The following NALF1 variants were observed in gnomAD, a reference collection of about 807,000 sequenced individuals.
NALF1 encodes the protein family with sequence similarity 155 member A.
NALF1 carries 3 observed loss-of-function variants against 48.4 expected under a neutral mutation model. The observed-to-expected ratio is 0.06, with a 90% CI of 0.03 to 0.16. The LOEUF is 0.16. Ranked by LOEUF, NALF1 falls within the 10% of genes least tolerant of loss-of-function variation. The pLI is 1.00. For synonymous variants in NALF1, 262 were observed against 245.7 expected, an observed-to-expected ratio of 1.07 and a Z score of -0.62; for missense variants, 526 against 571.5, an observed-to-expected ratio of 0.92 and a Z score of 0.81.
chr13:107,497,895 C>T (rs1313327962), intron 1 of NALF1, among the ~76,000 whole-genome samples: 2 of 152,060 alleles, frequency 1.3e-5, no homozygotes, highest in Non-Finnish European at 2.9e-5. Context: ...AGCAAATCTG[C>T]CATATGCATG....
Position 107,676,020 on chromosome 13 carries a change from C to T in NALF1, c.915+189662G>A, listed in dbSNP as rs115593476. ...GCTTGTGAAATTACAGGTCAACTGC[C>T]TCCCATGCCAATTCTTCTTCCTTCC... On this transcript the variant is annotated intron_variant, in intron 1 of 2. Coordinates refer to ENST00000375915, the MANE Select transcript of NALF1 (RefSeq NM_001080396.3). 2.0e-3 allele frequency among the ~76,000 whole-genome samples: 301 copies of T among 152,210 alleles called. 4 individuals carry two copies. Among genetic ancestry groups the T allele is most frequent in the African/African-American group, 7.1e-3 (294 of 41,530 alleles).
At position 107,535,979 on chromosome 13, in the gene NALF1, G is replaced by A. The variant is rs547889441; in HGVS notation, c.916-325224C>T. On this transcript the variant is annotated intron_variant, in intron 1 of 2. Transcript: ENST00000375915. The stretch of plus-strand genomic sequence containing the variant: ...CTGACAAAAACAAGAAATGGGGAAA[G>A]GATTCCTTATTTAATAAATGGTGCT... Among the ~76,000 whole-genome samples, 70 of 152,230 alleles carry A rather than the reference G, an allele frequency of 4.6e-4. 1 individual carries two copies. The highest frequency in any genetic ancestry group is 1.6e-3 in the African/African-American group (68 of 41,538).
intron 1 of NALF1, among the ~76,000 whole-genome samples, chr13:107,739,340 T>A (rs1324282208): frequency 6.7e-6 from 1 of 148,448 alleles, no homozygotes; most frequent in African/African-American, 2.5e-5. Context: ...ATATATATAT[T>A]TTTCATATTT....
At position 107,290,727 on chromosome 13, in the gene NALF1, C is replaced by T. The variant is rs868519931; in HGVS notation, c.916-79972G>A. Among the ~76,000 whole-genome samples the T allele has an allele frequency of 2.0e-4, 30 of 152,242 alleles. 1 individual carries two copies. The South Asian group carries it at 4.4e-3, about 22-fold the overall frequency. On this transcript the variant is annotated intron_variant, in intron 1 of 2. Coordinates refer to ENST00000375915, the MANE Select transcript of NALF1 (RefSeq NM_001080396.3). Reference sequence around the variant, plus strand: ...ACTAATACAGATGTATTTCTTGTATCATTATTTTATTTTGAAATAAACTTA... The same window carrying T: ...ACTAATACAGATGTATTTCTTGTATTATTATTTTATTTTGAAATAAACTTA...
At chr13:107,342,794 A>T (rs956690072) in intron 1 of NALF1, among the ~76,000 whole-genome samples, 1 of 152,190 alleles carries the variant, frequency 6.6e-6, no homozygotes, top group Non-Finnish European at 1.5e-5. Flanking sequence ...TGTCCATAGA[A>T]AACAAGAGTC....
intron 1 of NALF1, among the ~76,000 whole-genome samples, chr13:107,523,875 G>A (rs969593511): frequency 6.6e-6 from 1 of 152,036 alleles, no homozygotes; most frequent in Non-Finnish European, 1.5e-5. Context: ...TACATGCTAT[G>A]TTATAACCTC....
intron 1 of NALF1, among the ~76,000 whole-genome samples, chr13:107,805,225 A>G (rs1375246104): frequency 6.6e-6 from 1 of 152,158 alleles, no homozygotes; most frequent in Non-Finnish European, 1.5e-5. Flanking sequence ...CTGTAAGTAA[A>G]TTTCATAGGT....
chr13:107,504,467 T>C (rs77491637), intron 1 of NALF1, among the ~76,000 whole-genome samples: 1,994 of 152,262 alleles, frequency 0.013, 24 homozygotes, highest in Middle Eastern at 0.037. Context: ...GATAGATATG[T>C]TAATCTGATT....
At chr13:107,176,839 A>G (rs959352808) in intron 2 of NALF1, among the ~76,000 whole-genome samples, 1 of 152,020 alleles carries the variant, frequency 6.6e-6, no homozygotes, top group Non-Finnish European at 1.5e-5. Flanking sequence ...ACTTATTGGA[A>G]AAGAATAAGT....
chr13:107,170,755 T>C lies in NALF1; in HGVS notation c.1119A>G (p.Glu373=), dbSNP rs1878785287. The change falls in exon 3 of 3, where the codon GAA becomes GAG. Residue 373 remains glutamate, a synonymous_variant. Transcript: ENST00000375915. ...GLYETFLTND[E]PECCDVRREE... is the part of the protein sequence containing the mutation. ...CTCTCCTGACGTCACAGCATTCTGG[T>C]TCATCATTGGTTAGAAAGGTTTCAT... 6.2e-7 allele frequency: 1 copy of C among 1,614,052 alleles called. No homozygotes were observed. Among genetic ancestry groups the C allele is most frequent in the African/African-American group, 1.3e-5 (1 of 74,918 alleles).
At chr13:107,355,827 G>A (rs1217023331) in intron 1 of NALF1, among the ~76,000 whole-genome samples, 1 of 152,042 alleles carries the variant, frequency 6.6e-6, no homozygotes, top group African/African-American at 2.4e-5. Context: ...GTGTGAGAAT[G>A]GACTAATACA....
intron 1 of NALF1, among the ~76,000 whole-genome samples, chr13:107,711,479 G>A (rs961096211): frequency 6.6e-6 from 1 of 152,220 alleles, no homozygotes; most frequent in Non-Finnish European, 1.5e-5. Context: ...GGGGCTACAA[G>A]CATGCACCAC....
chr13:107,746,015 T>C (rs1025714381), intron 1 of NALF1, among the ~76,000 whole-genome samples: 3 of 152,226 alleles, frequency 2.0e-5, no homozygotes, highest in Non-Finnish European at 2.9e-5. Flanking sequence ...CCACTAACTA[T>C]GGAGACTTCC....
intron 1 of NALF1, among the ~76,000 whole-genome samples, chr13:107,251,743 T>C (rs998295598): frequency 1.3e-5 from 2 of 152,184 alleles, no homozygotes; most frequent in African/African-American, 2.4e-5. Context: ...AAGAGGGCCT[T>C]TTCCTAGCCA....
At chr13:107,413,509 C>T (rs1252078736) in intron 1 of NALF1, among the ~76,000 whole-genome samples, 1 of 152,092 alleles carries the variant, frequency 6.6e-6, no homozygotes, top group East Asian at 1.9e-4. Context: ...ATGGGAGTGA[C>T]ACAATTGAAT....
chr13:107,725,662 G>A (rs938828921), intron 1 of NALF1, among the ~76,000 whole-genome samples: 1 of 150,320 alleles, frequency 6.7e-6, no homozygotes, highest in East Asian at 1.9e-4. Flanking sequence ...TCTAGCTTAG[G>A]TGACAGAGCA....
intron 1 of NALF1, among the ~76,000 whole-genome samples, chr13:107,562,411 G>T (rs1877674372): frequency 6.6e-6 from 1 of 152,204 alleles, no homozygotes; most frequent in Non-Finnish European, 1.5e-5. Context: ...ATAGGAGATT[G>T]TAAGCTCTGC....
chr13:107,615,976 CT>C, intron 1 of NALF1, among the ~76,000 whole-genome samples: 1 of 152,230 alleles, frequency 6.6e-6, no homozygotes, highest in East Asian at 1.9e-4. Flanking sequence ...AGAGTATAAA[CT>C]GATGTCCTCC....
At chr13:107,556,140 C>T (rs1378525945) in intron 1 of NALF1, among the ~76,000 whole-genome samples, 1 of 151,546 alleles carries the variant, frequency 6.6e-6, no homozygotes, top group Non-Finnish European at 1.5e-5. Context: ...AGAACCTGAC[C>T]AATTTTATAC....
Sources: allele counts gnomAD v4.1 joint callset (sites outside exome capture counted in the v4.1 genomes callset), GRCh38; gene constraint gnomAD v4.1.1; transcripts MANE v1.5; gene names NCBI Gene and HGNC (gene_info 2026-07-23, HGNC 2026-07-21).